MTMR7: variants seen among roughly 807,000 people sequenced by gnomAD.
The protein encoded by MTMR7 is phosphatidylinositol-3-phosphate phosphatase MTMR7.
In MTMR7, 76 loss-of-function variants were observed where a neutral mutation model predicts 81.2. The observed-to-expected ratio is 0.94, with a 90% CI of 0.78 to 1.13. The LOEUF (loss-of-function observed/expected upper bound fraction) is 1.13. Among genes scored for constraint, MTMR7 ranks in the 50% most tolerant of loss-of-function variants. The probability of loss-of-function intolerance (pLI) is 0.00; values close to 1 mark genes in which losing one functional copy is unlikely to be tolerated. For missense variants in MTMR7, 1,044 were observed against 820.0 expected (o/e 1.27, Z -3.34); for synonymous variants, 372 against 289.8 (o/e 1.28, Z -2.88).
At chr8:17,404,339 G>A (rs572043870) in intron 1 of MTMR7, among the ~76,000 whole-genome samples, 33 of 152,132 alleles carry the variant, frequency 2.2e-4, no homozygotes, top group Non-Finnish European at 4.9e-4. Flanking sequence ...ATTGGAAAGA[G>A]TACAAGAGGA....
At chr8:17,342,227 C>G (rs571083424) in intron 5 of MTMR7, among the ~76,000 whole-genome samples, 1 of 152,290 alleles carries the variant, frequency 6.6e-6, no homozygotes, top group Admixed American at 6.5e-5. Flanking sequence ...AGTACAGATC[C>G]TACCTTGCAG....
intron 1 of MTMR7, among the ~76,000 whole-genome samples, chr8:17,412,020 G>C (rs547407833): frequency 3.9e-5 from 6 of 152,320 alleles, no homozygotes; most frequent in African/African-American, 1.2e-4. Context: ...AAAGCTTTGA[G>C]CCACCTATTC....
intron 3 of MTMR7, among the ~76,000 whole-genome samples, chr8:17,364,448 T>C (rs1820159590): frequency 6.6e-6 from 1 of 152,202 alleles, no homozygotes; most frequent in Non-Finnish European, 1.5e-5. Flanking sequence ...TGAAATTTAC[T>C]CTTAGCGTTT....
At chr8:17,300,251 G>A (rs1817028486) in intron 13 of MTMR7, 27 bp from the exon 14 acceptor site, 2 of 1,578,854 alleles carry the variant, frequency 1.3e-6, no homozygotes, top group Non-Finnish European at 1.7e-6. Flanking sequence ...AATTTCAGGG[G>A]AAAAATCATA....
At chr8:17,365,599 G>C (rs189121713) in intron 3 of MTMR7, among the ~76,000 whole-genome samples, 3 of 152,112 alleles carry the variant, frequency 2.0e-5, no homozygotes, top group African/African-American at 7.2e-5. Flanking sequence ...GAAGTGCAAC[G>C]AAGGCCTCAC....
At chr8:17,325,816 A>G (rs1412414123) in intron 7 of MTMR7, among the ~76,000 whole-genome samples, 1 of 152,208 alleles carries the variant, frequency 6.6e-6, no homozygotes, top group Non-Finnish European at 1.5e-5. Context: ...AAATTCAGCA[A>G]ATGTACCCAT....
chr8:17,411,303 C>G (rs1170610385), intron 1 of MTMR7, among the ~76,000 whole-genome samples: 2 of 152,246 alleles, frequency 1.3e-5, no homozygotes, highest in South Asian at 4.2e-4. Flanking sequence ...CATGTTAAGA[C>G]GGCTCTTCTA....
intron 7 of MTMR7, among the ~76,000 whole-genome samples, chr8:17,322,242 C>T (rs1818427428): frequency 1.3e-5 from 2 of 152,154 alleles, no homozygotes; most frequent in Admixed American, 1.3e-4. Context: ...GAACATCCAC[C>T]AGGTGAAGCC....
intron 1 of MTMR7, among the ~76,000 whole-genome samples, chr8:17,390,091 A>T (rs1053302814): frequency 1.1e-4 from 17 of 151,892 alleles, no homozygotes; most frequent in Non-Finnish European, 2.2e-4. Flanking sequence ...AAAAAAAAGA[A>T]ATCCCTCATG....
chr8:17,388,146 G>A (rs1167252758), intron 1 of MTMR7, among the ~76,000 whole-genome samples: 2 of 152,152 alleles, frequency 1.3e-5, no homozygotes, highest in East Asian at 1.9e-4. Context: ...AGGCACTTGA[G>A]AATTTTGCAA....
intron 1 of MTMR7, among the ~76,000 whole-genome samples, chr8:17,401,299 C>T (rs116369921): frequency 3.7e-4 from 57 of 152,212 alleles, no homozygotes; most frequent in African/African-American, 1.3e-3. Context: ...ATCTGCACAT[C>T]TAAGGAAAGC....
At chr8:17,303,277 T>C (rs1157759389) in intron 12 of MTMR7, among the ~76,000 whole-genome samples, 1 of 152,190 alleles carries the variant, frequency 6.6e-6, no homozygotes, top group Non-Finnish European at 1.5e-5. Flanking sequence ...TTGTCTTACA[T>C]GCACTATGGA....
chr8:17,370,614 C>A (rs1585099066), intron 3 of MTMR7, among the ~76,000 whole-genome samples: 1 of 142,064 alleles, frequency 7.0e-6, no homozygotes, highest in Non-Finnish European at 1.5e-5. Context: ...CAATGGAGAC[C>A]AAACCTTAAA....
intron 5 of MTMR7, among the ~76,000 whole-genome samples, chr8:17,348,549 CAA>C (rs10651385): frequency 2.7e-3 from 252 of 94,622 alleles, no homozygotes; most frequent in East Asian, 5.9e-3. Flanking sequence ...GACTCTGTCT[CAA>C]AAAAAAAAAA....
chr8:17,373,131 C>T lies in MTMR7; in HGVS notation c.134G>A (p.Arg45Lys). ...VIFVENSPDP[R>K]KETWILHSQI... The stretch of plus-strand genomic sequence containing the variant: ...AAGAAAGCATACCCATGTTTCTTTT[C>T]TTGGGTCAGGTGAATTTTCCACGAA... The change falls in exon 2 of 14, where the codon AGA (arginine) becomes AAA (lysine). Residue 45 changes from arginine to lysine, a missense_variant. Arg to Lys is a conservative substitution (Grantham distance 26). Transcript: ENST00000180173. 6.2e-7 allele frequency: 1 copy of T among 1,613,790 alleles called. No homozygotes were observed. Among genetic ancestry groups the T allele is most frequent in the Non-Finnish European group, 8.5e-7 (1 of 1,179,834 alleles).
chr8:17,371,416 T>A (rs1820416373), intron 2 of MTMR7, among the ~76,000 whole-genome samples: 1 of 152,206 alleles, frequency 6.6e-6, no homozygotes. Context: ...CTTCCTGATA[T>A]CCAGGACAGT....
intron 12 of MTMR7, among the ~76,000 whole-genome samples, chr8:17,302,597 T>G (rs1004277330): frequency 1.3e-5 from 2 of 151,242 alleles, no homozygotes; most frequent in Non-Finnish European, 2.9e-5. Context: ...GTTTTGAACT[T>G]TGAAATTGTA....
At position 17,311,464 on chromosome 8, in the gene MTMR7, C is replaced by A. The variant is rs752255044; in HGVS notation, c.1101+47G>T. ...GTAGTTGTAAAAACAGGGGTCCATT[C>A]CTGGTCAAGGCACCGCCTGTGGGAA... On this transcript the variant is annotated intron_variant, in intron 9 of 13. Coordinates refer to ENST00000180173, the MANE Select transcript of MTMR7 (RefSeq NM_004686.5). 56 of 1,612,398 alleles carry A rather than the reference C, an allele frequency of 3.5e-5. No individual in the cohort carries two copies. In the Middle Eastern group the frequency reaches 8.3e-4, roughly 24 times the overall value.
At chr8:17,335,351 C>A (rs1819202130) in intron 6 of MTMR7, among the ~76,000 whole-genome samples, 1 of 152,132 alleles carries the variant, frequency 6.6e-6, no homozygotes, top group Non-Finnish European at 1.5e-5. Context: ...CAGAATGAGG[C>A]CCGGGGAGAG....
Sources: allele counts gnomAD v4.1 joint callset (sites outside exome capture counted in the v4.1 genomes callset), GRCh38; gene constraint gnomAD v4.1.1; transcripts MANE v1.5; gene names NCBI Gene and HGNC (gene_info 2026-07-23, HGNC 2026-07-21).